Variants in ZC3H12B observed in about 807,000 individuals in gnomAD.
ZC3H12B encodes probable ribonuclease ZC3H12B.
In ZC3H12B, 7 loss-of-function variants were observed where a neutral mutation model predicts 43.9. The observed-to-expected ratio is 0.16, with a 90% confidence interval of 0.09 to 0.30. The LOEUF (loss-of-function observed/expected upper bound fraction) is 0.30. Ranked by LOEUF, ZC3H12B falls within the 10% of genes least tolerant of loss-of-function variation. The pLI is 1.00. For missense variants in ZC3H12B, 475 were observed against 670.2 expected (o/e 0.71, Z 3.22); for synonymous variants, 222 against 241.7 (o/e 0.92, Z 0.76).
At chrX:65,465,437 A>G (rs1370840211) in intron 3 of ZC3H12B, among the ~76,000 whole-genome samples, 3 of 110,396 alleles carry the variant, frequency 2.7e-5, no homozygotes, top group Non-Finnish European at 3.8e-5. Flanking sequence ...TTTTTTTGCT[A>G]CTGTTTGCAT....
chrX:65,305,666 T>C, the ZC3H12B span, among the ~76,000 whole-genome samples: 1 of 112,247 alleles, frequency 8.9e-6, no homozygotes, highest in East Asian at 2.8e-4. Flanking sequence ...TTTGTTATGT[T>C]ATTATTTGTT....
chrX:65,493,844 G>A (rs1158911853), intron 1 of ZC3H12B, among the ~76,000 whole-genome samples: 1 of 111,537 alleles, frequency 9.0e-6, no homozygotes, highest in Non-Finnish European at 1.9e-5. Context: ...CAAGCCACTT[G>A]AAAAGCTTTA....
the ZC3H12B span, among the ~76,000 whole-genome samples, chrX:65,111,128 G>C: frequency 2.7e-5 from 3 of 110,979 alleles, no homozygotes; most frequent in African/African-American, 3.3e-5. Flanking sequence ...GGAGTGTTTT[G>C]TGGGCGCCTT....
chrX:65,158,939 A>T, the ZC3H12B span, among the ~76,000 whole-genome samples: 4 of 111,637 alleles, frequency 3.6e-5, no homozygotes, highest in Admixed American at 1.9e-4. Flanking sequence ...CATCTTGAAT[A>T]AATTTTTGTA....
intron 2 of ZC3H12B, among the ~76,000 whole-genome samples, chrX:65,388,295 G>C (rs1004740107): frequency 1.8e-5 from 2 of 111,630 alleles, no homozygotes; most frequent in Admixed American, 9.5e-5. Context: ...ACATAGATTT[G>C]GTCTTTTCAC....
the ZC3H12B span, among the ~76,000 whole-genome samples, chrX:65,299,025 G>T: frequency 8.9e-6 from 1 of 111,750 alleles, no homozygotes; most frequent in Non-Finnish European, 1.9e-5. Flanking sequence ...CCCTTGACAC[G>T]TGGGGATAAT....
intron 3 of ZC3H12B, among the ~76,000 whole-genome samples, chrX:65,433,620 T>C (rs2067188269): frequency 8.9e-6 from 1 of 111,843 alleles, no homozygotes; most frequent in Non-Finnish European, 1.9e-5. Context: ...AAACCACAAT[T>C]TTAGTCTCCT....
chrX:65,211,947 TATATA>T, the ZC3H12B span, among the ~76,000 whole-genome samples: 6 of 71,431 alleles, frequency 8.4e-5, no homozygotes, highest in Non-Finnish European at 1.4e-4. Flanking sequence ...TTATGTATAC[TATATA>T]ATATATAATA....
chrX:65,246,112 C>A, the ZC3H12B span, among the ~76,000 whole-genome samples: 1 of 111,086 alleles, frequency 9.0e-6, no homozygotes. Context: ...TTCCTATACA[C>A]CAACAATAGT....
chrX:65,213,471 T>C, the ZC3H12B span, among the ~76,000 whole-genome samples: 6 of 111,025 alleles, frequency 5.4e-5, no homozygotes, highest in Non-Finnish European at 1.1e-4. Flanking sequence ...GGACAAGAAG[T>C]GTTTCAGATT....
At chrX:65,433,909 ACTTTT>A (rs1383252582) in intron 3 of ZC3H12B, among the ~76,000 whole-genome samples, 2 of 111,626 alleles carry the variant, frequency 1.8e-5, no homozygotes, top group Non-Finnish European at 3.8e-5. Flanking sequence ...TTTGAGTGAA[ACTTTT>A]CTTTAATTGA....
At chrX:65,252,716 C>G in the ZC3H12B span, among the ~76,000 whole-genome samples, 1 of 111,662 alleles carries the variant, frequency 9.0e-6, no homozygotes, top group Non-Finnish European at 1.9e-5. Context: ...TAATACAGAT[C>G]TTTTTGGTCG....
At chrX:65,342,458 C>T in the ZC3H12B span, among the ~76,000 whole-genome samples, 1 of 112,197 alleles carries the variant, frequency 8.9e-6, no homozygotes, top group African/African-American at 3.2e-5. Flanking sequence ...ATAACAACCA[C>T]TCTCTTGGAA....
chrX:65,120,012 G>C, the ZC3H12B span, among the ~76,000 whole-genome samples: 31 of 111,910 alleles, frequency 2.8e-4, no homozygotes, highest in African/African-American at 1.0e-3. Context: ...CTATATGTCT[G>C]TTTTGGTACC....
chrX:65,271,279 G>A, the ZC3H12B span: 1 of 112,248 alleles, frequency 8.9e-6, no homozygotes, highest in Admixed American at 9.4e-5. Flanking sequence ...AGTCATTCTA[G>A]AAGGCTTTGG....
the ZC3H12B span, among the ~76,000 whole-genome samples, chrX:65,200,079 G>A: frequency 1.8e-5 from 2 of 111,561 alleles, no homozygotes; most frequent in Non-Finnish European, 3.8e-5. Flanking sequence ...CACCAATGGT[G>A]TAAAAGCATT....
the ZC3H12B span, among the ~76,000 whole-genome samples, chrX:65,214,096 G>T: frequency 2.7e-5 from 3 of 111,174 alleles, no homozygotes; most frequent in Admixed American, 2.9e-4. Flanking sequence ...AAATGCTAAT[G>T]ATCATCTCAG....
chrX:65,276,122 C>G, the ZC3H12B span, among the ~76,000 whole-genome samples: 1 of 110,610 alleles, frequency 9.0e-6, no homozygotes, highest in Non-Finnish European at 1.9e-5. Flanking sequence ...GTAGATAGGT[C>G]TTTTGAAATA....
At chrX:65,233,100 A>G in the ZC3H12B span, among the ~76,000 whole-genome samples, 1 of 112,204 alleles carries the variant, frequency 8.9e-6, no homozygotes, top group Admixed American at 9.5e-5. Flanking sequence ...TTTAAAGCAA[A>G]TATTATCTAT....
Sources: allele counts gnomAD v4.1 joint callset (sites outside exome capture counted in the v4.1 genomes callset), GRCh38; gene constraint gnomAD v4.1.1; transcripts MANE v1.5; gene names NCBI Gene and HGNC (gene_info 2026-07-23, HGNC 2026-07-21).